Variants in ALK observed in about 807,000 individuals in gnomAD.
ALK encodes ALK receptor tyrosine kinase, also known as ALK tyrosine kinase receptor.
ALK carries 74 observed loss-of-function variants against 163.1 expected under a neutral mutation model. The observed-to-expected ratio is 0.45, with a 90% CI of 0.38 to 0.55. The LOEUF (loss-of-function observed/expected upper bound fraction) is 0.55. ALK is among the 20% of genes least tolerant of loss of function. The pLI, the probability that ALK is intolerant of heterozygous loss-of-function variation, is 0.00. For synonymous variants in ALK, 960 were observed against 843.2 expected (o/e 1.14, Z -2.40); for missense variants, 2,063 against 2,105.3 (o/e 0.98, Z 0.39).
At chr2:29,502,307 G>A (rs575608952) in intron 4 of ALK, among the ~76,000 whole-genome samples, 1 of 152,300 alleles carries the variant, frequency 6.6e-6, no homozygotes, top group Non-Finnish European at 1.5e-5. Context: ...GCTTTGTACA[G>A]AGTTAATGCA....
chr2:29,196,703 G>A (rs749121913), intron 28 of ALK, 67 bp downstream of exon 28: 48 of 1,112,518 alleles, frequency 4.3e-5, no homozygotes, highest in Non-Finnish European at 5.7e-5. Flanking sequence ...TTCATATTTC[G>A]GTATTTGCCA....
intron 4 of ALK, among the ~76,000 whole-genome samples, chr2:29,526,581 T>C (rs1014704342): frequency 2.0e-5 from 3 of 152,222 alleles, no homozygotes; most frequent in African/African-American, 7.2e-5. Context: ...ACTCTATGAA[T>C]GACTTTGAAA....
intron 3 of ALK, among the ~76,000 whole-genome samples, chr2:29,610,236 G>A (rs548732700): frequency 3.3e-5 from 5 of 152,206 alleles, no homozygotes; most frequent in East Asian, 1.9e-4. Flanking sequence ...CATTACCAGC[G>A]TATGGATGGG....
At chr2:29,870,811 C>T (rs887639023) in intron 1 of ALK, among the ~76,000 whole-genome samples, 3 of 152,120 alleles carry the variant, frequency 2.0e-5, no homozygotes, top group African/African-American at 4.8e-5. Flanking sequence ...TTGTTTTGGT[C>T]ATTTTTTTAG....
chr2:29,521,945 C>G (rs1047678960), intron 4 of ALK, among the ~76,000 whole-genome samples: 11 of 152,232 alleles, frequency 7.2e-5, no homozygotes, highest in South Asian at 6.2e-4. Context: ...TCAGGACTGC[C>G]TGCTCTCTAA....
At chr2:29,743,387 T>A (rs934958744) in intron 1 of ALK, among the ~76,000 whole-genome samples, 1 of 152,172 alleles carries the variant, frequency 6.6e-6, no homozygotes, top group African/African-American at 2.4e-5. Context: ...CCACAGTCAG[T>A]TATGTACATA....
intron 4 of ALK, among the ~76,000 whole-genome samples, chr2:29,397,981 G>T (rs1189803502): frequency 6.6e-6 from 1 of 152,228 alleles, no homozygotes; most frequent in Non-Finnish European, 1.5e-5. Context: ...CCCTGAGATT[G>T]TGCCAACGAT....
At chr2:29,902,114 C>T (rs2148431476) in intron 1 of ALK, among the ~76,000 whole-genome samples, 1 of 152,294 alleles carries the variant, frequency 6.6e-6, no homozygotes, top group East Asian at 1.9e-4. Flanking sequence ...CCAGCCCTGA[C>T]TTCTTACATG....
chr2:29,739,240 T>TAAAAA lies in ALK; in HGVS notation c.668-21548_668-21544dup, dbSNP rs57381961. 2.0e-3 allele frequency among the ~76,000 whole-genome samples: 82 copies of TAAAAA among 40,334 alleles called. 4 individuals carry two copies. The highest frequency in any genetic ancestry group is 6.7e-3 in the African/African-American group (65 of 9,748). The allele number at this position is 40,334 out of a possible 152,430, so 26.5% of individuals were successfully genotyped here. A position where few individuals can be genotyped will look rare whatever the true frequency, so the allele number is the denominator to read the frequency against. On this transcript the variant is annotated intron_variant, in intron 1 of 28. Coordinates refer to ENST00000389048, the MANE Select transcript of ALK (RefSeq NM_004304.5). ...GGCAACAGGGCAAGACAGTCTCTCT[T>TAAAAA]AAAAAAAAAAAAAAAAAAAAAAAAA...
At position 29,603,273 on chromosome 2, in the gene ALK, G is replaced by A. The variant is rs191108099; in HGVS notation, c.953-71157C>T. On this transcript the variant is annotated intron_variant, in intron 3 of 28. Transcript: ENST00000389048. Reference sequence around the variant, plus strand: ...AATCTTGTCAGGATCAGAAAAATACGTAGACAGGGAAGGGGATTCTCTACC... The same window carrying A: ...AATCTTGTCAGGATCAGAAAAATACATAGACAGGGAAGGGGATTCTCTACC... 6.9e-3 allele frequency among the ~76,000 whole-genome samples: 1,055 copies of A among 152,266 alleles called. 12 individuals carry two copies. The highest frequency in any genetic ancestry group is 0.043 in the South Asian group (209 of 4,820).
chr2:29,482,240 A>G (rs1382105006), intron 4 of ALK, among the ~76,000 whole-genome samples: 1 of 152,180 alleles, frequency 6.6e-6, no homozygotes, highest in East Asian at 1.9e-4. Flanking sequence ...AGGATGGGAT[A>G]CACCAGTGGA....
chr2:29,341,102 T>C (rs569951945), intron 5 of ALK, among the ~76,000 whole-genome samples: 34 of 152,332 alleles, frequency 2.2e-4, no homozygotes, highest in Admixed American at 1.0e-3. Flanking sequence ...TTTTGGGTAA[T>C]GGATTCAGAA....
chr2:29,902,921 C>T (rs1003979960), intron 1 of ALK, among the ~76,000 whole-genome samples: 8 of 152,184 alleles, frequency 5.3e-5, no homozygotes, highest in African/African-American at 1.9e-4. Context: ...TTTGATTTTA[C>T]AGTGCACTAA....
At chr2:29,437,242 T>C (rs1032198947) in intron 4 of ALK, among the ~76,000 whole-genome samples, 2 of 152,110 alleles carry the variant, frequency 1.3e-5, no homozygotes, top group African/African-American at 4.8e-5. Flanking sequence ...CTTTCTTCTG[T>C]CTCTTAGATA....
chr2:29,566,514 G>C (rs1674194273), intron 3 of ALK, among the ~76,000 whole-genome samples: 1 of 152,140 alleles, frequency 6.6e-6, no homozygotes, highest in Non-Finnish European at 1.5e-5. Context: ...AGGAACCAAG[G>C]CAAGAATGTG....
intron 1 of ALK, among the ~76,000 whole-genome samples, chr2:29,779,898 T>A (rs969095798): frequency 6.6e-6 from 1 of 152,186 alleles, no homozygotes; most frequent in Non-Finnish European, 1.5e-5. Context: ...GCTAGCCACT[T>A]TGGGACAATT....
At chr2:29,277,597 T>A (rs1384269500) in intron 9 of ALK, among the ~76,000 whole-genome samples, 50 of 152,250 alleles carry the variant, frequency 3.3e-4, no homozygotes, top group Admixed American at 3.3e-3. Context: ...GTTGTAGCCG[T>A]GGCCAGCATC....
At chr2:29,856,203 TAC>T (rs1393282421) in intron 1 of ALK, among the ~76,000 whole-genome samples, 1 of 152,216 alleles carries the variant, frequency 6.6e-6, no homozygotes, top group Non-Finnish European at 1.5e-5. Flanking sequence ...TCTCTTGCTT[TAC>T]AGTTTTGTGG....
intron 1 of ALK, among the ~76,000 whole-genome samples, chr2:29,762,906 G>T (rs1289992394): frequency 6.6e-6 from 1 of 152,046 alleles, no homozygotes; most frequent in Non-Finnish European, 1.5e-5. Context: ...GGCCAACATG[G>T]TGAAACCCCA....
Sources: gnomAD v4.1 joint callset for allele counts (sites outside exome capture counted in the v4.1 genomes callset) on GRCh38, gnomAD v4.1.1 for gene constraint, MANE v1.5 for transcripts, NCBI Gene and HGNC (gene_info 2026-07-23, HGNC 2026-07-21) for gene names.